The following NRXN3 variants were observed in gnomAD, a reference collection of about 807,000 sequenced individuals.
NRXN3 encodes the protein neurexin III.
NRXN3 carries 32 observed loss-of-function variants against 137.6 expected under a neutral mutation model. The observed-to-expected ratio is 0.23, with a 90% CI of 0.18 to 0.31. The LOEUF is 0.31. Ranked by LOEUF, NRXN3 falls within the 10% of genes least tolerant of loss-of-function variation. The pLI is 1.00. For synonymous variants in NRXN3, 798 were observed against 784.5 expected, an observed-to-expected ratio of 1.02 and a Z score of -0.29; for missense variants, 1,574 against 2,062.5, an observed-to-expected ratio of 0.76 and a Z score of 4.59.
At chr14:78,429,579 A>G (rs1415554728) in intron 4 of NRXN3, among the ~76,000 whole-genome samples, 3 of 152,188 alleles carry the variant, frequency 2.0e-5, no homozygotes, top group Non-Finnish European at 4.4e-5. Context: ...GATTTTACTC[A>G]GATAGTCACA....
chr14:79,194,370 T>C (rs535194060), intron 15 of NRXN3, among the ~76,000 whole-genome samples: 10 of 152,354 alleles, frequency 6.6e-5, no homozygotes, highest in African/African-American at 2.4e-4. Flanking sequence ...AGCTGACTGT[T>C]TGTTTTGGGA....
rs1020207176 is a variant in NRXN3, at chr14:78,728,315, G to A, written c.2044+13176G>A. Among the ~76,000 whole-genome samples the A allele has an allele frequency of 3.3e-5, 5 of 152,204 alleles. No individual in the cohort carries two copies. The East Asian group carries it at 9.6e-4, about 29-fold the overall frequency. ...TATTTAGTTAGCAACTTATGGTCTG[G>A]AAAATCTCATTATCCAAACCTTACA... On this transcript the variant is annotated intron_variant, in intron 8 of 20. Coordinates refer to ENST00000335750, the MANE Select transcript of NRXN3 (RefSeq NM_001330195.2).
intron 4 of NRXN3, among the ~76,000 whole-genome samples, chr14:78,518,839 C>T (rs1290065809): frequency 2.0e-5 from 3 of 152,032 alleles, no homozygotes; most frequent in Non-Finnish European, 4.4e-5. Flanking sequence ...CAAAGAACTA[C>T]TCGTTCTGGA....
chr14:78,514,435 A>G (rs745320999), intron 4 of NRXN3, among the ~76,000 whole-genome samples: 54 of 152,104 alleles, frequency 3.6e-4, no homozygotes, highest in Non-Finnish European at 6.9e-4. Flanking sequence ...TGGAATCACA[A>G]AGTTTAGCAG....
intron 2 of NRXN3, among the ~76,000 whole-genome samples, chr14:78,260,589 A>G (rs1395892984): frequency 6.6e-6 from 1 of 152,160 alleles, no homozygotes; most frequent in Non-Finnish European, 1.5e-5. Flanking sequence ...GTGGGAGATA[A>G]TTGAATCATG....
intron 15 of NRXN3, among the ~76,000 whole-genome samples, chr14:79,197,265 T>C (rs1476135331): frequency 6.6e-6 from 1 of 152,172 alleles, no homozygotes; most frequent in African/African-American, 2.4e-5. Context: ...GAGGTCAAAT[T>C]AGGCAAATGT....
At chr14:78,333,358 T>C (rs2081062006) in intron 4 of NRXN3, among the ~76,000 whole-genome samples, 1 of 152,228 alleles carries the variant, frequency 6.6e-6, no homozygotes, top group Non-Finnish European at 1.5e-5. Flanking sequence ...GCGTGCCTAC[T>C]GTGTGCCAGA....
chr14:79,023,275 GC>G (rs2099592749), intron 15 of NRXN3, among the ~76,000 whole-genome samples: 3 of 151,990 alleles, frequency 2.0e-5, no homozygotes, highest in Admixed American at 6.6e-5. Context: ...CTTGCTGTAT[GC>G]CCAGTAATAT....
chr14:79,762,170 G>C (rs1009687380), intron 19 of NRXN3, among the ~76,000 whole-genome samples: 1 of 151,600 alleles, frequency 6.6e-6, no homozygotes, highest in Admixed American at 6.5e-5. Flanking sequence ...AGAGGAATCA[G>C]TCTGGGTGAC....
At chr14:79,101,952 G>A (rs758367045) in intron 15 of NRXN3, among the ~76,000 whole-genome samples, 20 of 152,088 alleles carry the variant, frequency 1.3e-4, no homozygotes, top group Non-Finnish European at 2.6e-4. Context: ...AAAATGCCAC[G>A]TGAAGGCAGA....
intron 10 of NRXN3, among the ~76,000 whole-genome samples, chr14:78,862,714 C>CA (rs1266144542): frequency 2.0e-4 from 31 of 151,960 alleles, no homozygotes; most frequent in Admixed American, 2.0e-3. Context: ...TAAATAAGAC[C>CA]ACTCTGTCAT....
chr14:79,357,506 G>A (rs954186722), intron 15 of NRXN3, among the ~76,000 whole-genome samples: 4 of 151,998 alleles, frequency 2.6e-5, no homozygotes, highest in Non-Finnish European at 5.9e-5. Flanking sequence ...TTCACTTCCT[G>A]GGAAAACACA....
At chr14:79,498,779 A>G (rs1027293982) in intron 16 of NRXN3, among the ~76,000 whole-genome samples, 2 of 151,968 alleles carry the variant, frequency 1.3e-5, no homozygotes, top group African/African-American at 2.4e-5. Context: ...TTTGTTTCCA[A>G]TCTTTTATTT....
chr14:79,478,214 G>A (rs1422905506), intron 16 of NRXN3, among the ~76,000 whole-genome samples: 2 of 147,960 alleles, frequency 1.4e-5, no homozygotes, highest in Non-Finnish European at 3.0e-5. Flanking sequence ...TATATATAAT[G>A]TATATTAAAT....
At chr14:79,566,618 G>T (rs375610643) in intron 16 of NRXN3, among the ~76,000 whole-genome samples, 1 of 152,068 alleles carries the variant, frequency 6.6e-6, no homozygotes, top group East Asian at 1.9e-4. Context: ...CATCACCAGG[G>T]TTAAATCATT....
intron 4 of NRXN3, among the ~76,000 whole-genome samples, chr14:78,540,052 G>T (rs1173331483): frequency 6.6e-6 from 1 of 152,292 alleles, no homozygotes; most frequent in East Asian, 1.9e-4. Flanking sequence ...TGGAATAAGC[G>T]CGATGTGGTG....
rs576560868 is a variant in NRXN3, at chr14:78,869,603, T to C, written c.2275+59259T>C. Among the ~76,000 whole-genome samples, 7 of 152,336 alleles carry C rather than the reference T, an allele frequency of 4.6e-5. No individual in the cohort carries two copies. In the East Asian group the frequency reaches 1.3e-3, roughly 29 times the overall value. ...TATTGCACTTCATTTCATGCCTCCA[T>C]ACCTTTTCCTCTTCTTGTAATGCCT... On this transcript the variant is annotated intron_variant, in intron 10 of 20. Transcript: ENST00000335750.
At chr14:79,147,935 T>A (rs945006575) in intron 15 of NRXN3, among the ~76,000 whole-genome samples, 1 of 152,002 alleles carries the variant, frequency 6.6e-6, no homozygotes, top group African/African-American at 2.4e-5. Flanking sequence ...GAAAAGTAGG[T>A]GGATGGGGAG....
intron 6 of NRXN3, among the ~76,000 whole-genome samples, chr14:78,684,414 T>C (rs560430462): frequency 1.3e-5 from 2 of 152,192 alleles, no homozygotes; most frequent in Admixed American, 6.5e-5. Context: ...GGATTTAGCA[T>C]TGTTGATTTT....
Sources: allele counts gnomAD v4.1 joint callset (sites outside exome capture counted in the v4.1 genomes callset), GRCh38; gene constraint gnomAD v4.1.1; transcripts MANE v1.5; gene names NCBI Gene and HGNC (gene_info 2026-07-23, HGNC 2026-07-21).